Variants in CDKL2 observed in about 807,000 individuals in gnomAD.
The protein encoded by CDKL2 is cyclin-dependent kinase-like 2.
CDKL2 carries 64 observed loss-of-function variants against 63.9 expected under a neutral mutation model. That is an observed-to-expected ratio of 1.00 (90% CI 0.82 to 1.23). The LOEUF is 1.23. Ranked by LOEUF, CDKL2 falls within the 50% of genes most tolerant of loss-of-function variation. The probability of loss-of-function intolerance (pLI) is 0.00; values close to 1 mark genes in which losing one functional copy is unlikely to be tolerated. For missense variants in CDKL2, 656 were observed against 668.0 expected, an observed-to-expected ratio of 0.98 and a Z score of 0.20; for synonymous variants, 211 against 229.2, an observed-to-expected ratio of 0.92 and a Z score of 0.72.
At chr4:75,618,909 G>A (rs2148907814) in intron 2 of CDKL2, among the ~76,000 whole-genome samples, 1 of 152,272 alleles carries the variant, frequency 6.6e-6, no homozygotes, top group South Asian at 2.1e-4. Context: ...CACGTTCAAG[G>A]AACTAAAAGC....
chr4:75,615,285 G>A (rs1729882745), intron 2 of CDKL2, among the ~76,000 whole-genome samples: 1 of 152,010 alleles, frequency 6.6e-6, no homozygotes, highest in African/African-American at 2.4e-5. Context: ...CCTACAAATA[G>A]TCCTCCAAAG....
At chr4:75,621,470 T>C (rs950688463) in intron 2 of CDKL2, among the ~76,000 whole-genome samples, 8 of 152,134 alleles carry the variant, frequency 5.3e-5, no homozygotes, top group South Asian at 4.1e-4. Context: ...ATCTTGAACA[T>C]ACTGAATGTA....
intron 1 of CDKL2, among the ~76,000 whole-genome samples, chr4:75,626,869 C>T (rs993600030): frequency 2.0e-5 from 3 of 151,454 alleles, no homozygotes; most frequent in African/African-American, 4.9e-5. Context: ...GCCTGAGCAA[C>T]GGAGCAAGAA....
chr4:75,582,000 T>A, intron 12 of CDKL2, 102 bp from the exon 13 acceptor site: 1 of 732,586 alleles, frequency 1.4e-6, no homozygotes, highest in Non-Finnish European at 2.4e-6. Flanking sequence ...TGTTTATAAT[T>A]AACTATTCAT....
At chr4:75,612,740 G>A (rs1345395607) in intron 3 of CDKL2, among the ~76,000 whole-genome samples, 1 of 152,136 alleles carries the variant, frequency 6.6e-6, no homozygotes. Flanking sequence ...ATCTCTCTTT[G>A]CAATTTACTA....
intron 10 of CDKL2, among the ~76,000 whole-genome samples, chr4:75,593,438 T>A (rs959717436): frequency 6.6e-6 from 1 of 152,114 alleles, no homozygotes; most frequent in Non-Finnish European, 1.5e-5. Flanking sequence ...TCTGCTTGCA[T>A]TAATTTTCGT....
At chr4:75,609,663 T>A (rs1041154691) in intron 3 of CDKL2, among the ~76,000 whole-genome samples, 1 of 147,750 alleles carries the variant, frequency 6.8e-6, no homozygotes, top group Non-Finnish European at 1.5e-5. Context: ...ATTATATATA[T>A]AATATATATA....
intron 11 of CDKL2, 90 bp downstream of exon 11, chr4:75,592,056 T>G (rs1728738663): frequency 7.4e-7 from 1 of 1,348,040 alleles, no homozygotes; most frequent in African/African-American, 1.5e-5. Context: ...ATATGTAAAG[T>G]TAGTATGAAT....
Position 75,605,620 on chromosome 4 carries a change from C to T in CDKL2, c.557G>A (p.Trp186Ter), listed in dbSNP as rs775493461. The T allele has an allele frequency of 9.3e-6, 15 of 1,611,328 alleles. No individual in the cohort carries two copies. In the East Asian group the frequency reaches 3.3e-4, roughly 36 times the overall value. ...TTCAGTTACCAGACAACCAATGGCC[C>T]ACACATCAACAGCCCTGAAAGAAAA... ...DVKYGKAVDV[W>*]AIGCLVTEMF... The change falls in exon 5 of 14, where the codon TGG becomes TAG. Residue 186 changes from tryptophan to a stop codon, truncating the protein, a stop_gained. Coordinates refer to ENST00000307465, the MANE Select transcript of CDKL2 (RefSeq NM_001330724.2). LOFTEE classifies it high-confidence loss of function.
intron 2 of CDKL2, among the ~76,000 whole-genome samples, chr4:75,625,386 ATTG>A (rs1421977393): frequency 2.0e-5 from 3 of 152,270 alleles, no homozygotes; most frequent in East Asian, 3.9e-4. Context: ...ATGAGAAAAT[ATTG>A]TTAACAATCA....
intron 8 of CDKL2, 82 bp downstream of exon 8, chr4:75,597,995 C>T (rs901849456): frequency 8.0e-6 from 8 of 1,003,996 alleles, no homozygotes; most frequent in Non-Finnish European, 1.1e-5. Context: ...GCTCAGAAAA[C>T]TTTTTTCAAA....
chr4:75,588,009 G>A (rs1728552363), intron 12 of CDKL2, among the ~76,000 whole-genome samples: 1 of 151,736 alleles, frequency 6.6e-6, no homozygotes, highest in African/African-American at 2.4e-5. Context: ...GAGGTCGGGA[G>A]TTCAAGACCA....
At position 75,578,169 on chromosome 4, in the gene CDKL2, G is replaced by A. The variant is rs17280791; in HGVS notation, c.*1033C>T. 37,807 of 152,046 alleles carry A rather than the reference G, an allele frequency of 0.25. 4,990 individuals are homozygous for A. Among genetic ancestry groups the A allele is most frequent in the Middle Eastern group, 0.36 (107 of 294 alleles). The allele number at this position is 152,046 out of a possible 1,614,324, so 9.4% of individuals were successfully genotyped here. ...ATTGGAAAAGATGTGTGGAATGCAGGTAAATGATTTTGCACCTTGGTGAAA... is the reference window on the plus strand; with the variant it reads ...ATTGGAAAAGATGTGTGGAATGCAGATAAATGATTTTGCACCTTGGTGAAA... On this transcript the variant is annotated 3_prime_UTR_variant, in exon 14 of 14. Coordinates refer to ENST00000307465, the MANE Select transcript of CDKL2 (RefSeq NM_001330724.2).
intron 3 of CDKL2, among the ~76,000 whole-genome samples, chr4:75,608,294 T>C (rs1729520128): frequency 6.6e-6 from 1 of 151,378 alleles, no homozygotes; most frequent in Non-Finnish European, 1.5e-5. Context: ...CCAACTAATT[T>C]TTGTACTTTT....
chr4:75,623,793 A>G (rs543971813), intron 2 of CDKL2, among the ~76,000 whole-genome samples: 1 of 152,152 alleles, frequency 6.6e-6, no homozygotes, highest in Non-Finnish European at 1.5e-5. Context: ...AAAAAGCAAA[A>G]TATAACTATA....
chr4:75,623,610 A>G (rs1378748252), intron 2 of CDKL2, among the ~76,000 whole-genome samples: 1 of 152,242 alleles, frequency 6.6e-6, no homozygotes, highest in Non-Finnish European at 1.5e-5. Context: ...TTAGAAAAAA[A>G]GGAATGATAA....
chr4:75,603,869 G>A lies in CDKL2; in HGVS notation c.743C>T (p.Pro248Leu). ...GAGCTTAGGATAGCGTCTTTCAAGA[G>A]GTTCTCTTTCCTTGATTTCAGGCAA... ...VRLPEIKERE[P>L]LERRYPKLSE... Residue 248 changes from proline (P) to leucine (L), a missense_variant, in exon 6 of 14, where the codon CCT (proline) becomes CTT (leucine). Transcript: ENST00000307465. 2 of 1,613,422 alleles carry A rather than the reference G, an allele frequency of 1.2e-6. No homozygotes were observed. Among genetic ancestry groups the A allele is most frequent in the Non-Finnish European group, 1.7e-6 (2 of 1,179,704 alleles).
intron 8 of CDKL2, 132 bp downstream of exon 8, chr4:75,597,945 C>T (rs1455820429): frequency 1.8e-6 from 1 of 554,446 alleles, no homozygotes; most frequent in East Asian, 3.5e-5. Flanking sequence ...TGAGAAGATA[C>T]ATTTTTACAA....
chr4:75,582,769 A>C (rs1026166762), intron 12 of CDKL2, among the ~76,000 whole-genome samples: 3 of 152,152 alleles, frequency 2.0e-5, no homozygotes, highest in African/African-American at 7.2e-5. Flanking sequence ...AAAAGATAAA[A>C]ATTAAATCTT....
Sources: gnomAD v4.1 joint callset for allele counts (sites outside exome capture counted in the v4.1 genomes callset) on GRCh38, gnomAD v4.1.1 for gene constraint, MANE v1.5 for transcripts, NCBI Gene and HGNC (gene_info 2026-07-23, HGNC 2026-07-21) for gene names.